The following ZMYM4 variants were observed in gnomAD, a reference collection of about 807,000 sequenced individuals.
ZMYM4 encodes the protein zinc finger MYM-type containing 4, also known as zinc finger MYM-type protein 4.
In ZMYM4, 31 loss-of-function variants were observed where a neutral mutation model predicts 183.2. That is an observed-to-expected ratio of 0.17 (90% CI 0.13 to 0.23). The LOEUF (loss-of-function observed/expected upper bound fraction) is 0.23, where lower values mean the gene tolerates loss of function less well. ZMYM4 is among the 10% of genes least tolerant of loss of function. ZMYM4 has a pLI of 1.00. For synonymous variants in ZMYM4, 592 were observed against 631.2 expected, an observed-to-expected ratio of 0.94 and a Z score of 0.93; for missense variants, 1,273 against 1,840.3, an observed-to-expected ratio of 0.69 and a Z score of 5.64.
chr1:35,381,347 A>C lies in ZMYM4; in HGVS notation c.1270A>C (p.Thr424Pro). 1 of 1,613,666 alleles carries C rather than the reference A, an allele frequency of 6.2e-7. No individual in the cohort carries two copies. The highest frequency in any genetic ancestry group is 8.5e-7 in the Non-Finnish European group (1 of 1,179,748). The change falls in exon 8 of 30, where the codon ACA (threonine) becomes CCA (proline). Residue 424 changes from threonine (T) to proline (P), a missense_variant. Transcript: ENST00000314607. ...TTTTTGCAGTCAGTCATGTTTGTCAACATATGAACTGAAAAAAAAACCTAT... is the reference window on the plus strand; with the variant it reads ...TTTTTGCAGTCAGTCATGTTTGTCACCATATGAACTGAAAAAAAAACCTAT... ...KDFCSQSCLS[T>P]YELKKKPIVT...
chr1:35,295,640 G>C (rs2148729120), intron 1 of ZMYM4, among the ~76,000 whole-genome samples: 1 of 152,280 alleles, frequency 6.6e-6, no homozygotes, highest in South Asian at 2.1e-4. Flanking sequence ...GAGCAAAATT[G>C]CTCTGGTTAA....
chr1:35,398,568 A>G, intron 21 of ZMYM4, 102 bp downstream of exon 21: 1 of 1,059,088 alleles, frequency 9.4e-7, no homozygotes. Context: ...AATTTTAACT[A>G]TTTGTAAGGG....
At chr1:35,336,241 A>C (rs1642971063) in intron 2 of ZMYM4, among the ~76,000 whole-genome samples, 1 of 152,150 alleles carries the variant, frequency 6.6e-6, no homozygotes, top group African/African-American at 2.4e-5. Context: ...ACCATGTTGA[A>C]CATTCTGATA....
At chr1:35,341,506 A>C (rs953462999) in intron 2 of ZMYM4, among the ~76,000 whole-genome samples, 2 of 151,630 alleles carry the variant, frequency 1.3e-5, no homozygotes, top group African/African-American at 4.8e-5. Flanking sequence ...CAAATGTAAA[A>C]ATTTTTATTT....
At position 35,379,500 on chromosome 1, in the gene ZMYM4, T is replaced by C. The variant is rs146598521; in HGVS notation, c.1182-1759T>C. Among the ~76,000 whole-genome samples the C allele has an allele frequency of 9.2e-5, 14 of 152,366 alleles. No individual in the cohort carries two copies. In the East Asian group the frequency reaches 2.5e-3, roughly 27 times the overall value. On this transcript the variant is annotated intron_variant, in intron 7 of 29. Coordinates refer to ENST00000314607, the MANE Select transcript of ZMYM4 (RefSeq NM_005095.3). ...ATCCGCCCGCCTCGGCCTTCCAAAGTGCTGGCATTACAGGCGTGAGCCGCC... is the reference window on the plus strand; with the variant it reads ...ATCCGCCCGCCTCGGCCTTCCAAAGCGCTGGCATTACAGGCGTGAGCCGCC...
Position 35,269,089 on chromosome 1 carries a change from G to A in ZMYM4, c.39+4G>A. ...GGAGTCCGGCCCCCGAAAGAGGGTA[G>A]GTGAGGTGAGGCAGAACTCGGGCGG... On this transcript the variant is annotated splice_donor_region_variant and intron_variant, in intron 1 of 29. Transcript: ENST00000314607. 1.3e-6 allele frequency: 2 copies of A among 1,549,170 alleles called. No individual in the cohort carries two copies. The highest frequency in any genetic ancestry group is 8.7e-7 in the Non-Finnish European group (1 of 1,146,570).
At chr1:35,339,870 A>T (rs1407790918) in intron 2 of ZMYM4, among the ~76,000 whole-genome samples, 1 of 152,194 alleles carries the variant, frequency 6.6e-6, no homozygotes, top group Non-Finnish European at 1.5e-5. Context: ...TCCTTTCTCC[A>T]GTAAGCTGCA....
intron 2 of ZMYM4, chr1:35,350,817 T>G (rs1643577489): frequency 5.8e-6 from 3 of 516,186 alleles, no homozygotes; most frequent in Non-Finnish European, 1.1e-5. Context: ...ATTACTATGC[T>G]TGGAAACGCT....
Position 35,361,781 on chromosome 1 carries a change from A to G in ZMYM4, c.832A>G (p.Asn278Asp). The G allele has an allele frequency of 6.2e-7, 1 of 1,602,814 alleles. No individual in the cohort carries two copies. Among genetic ancestry groups the G allele is most frequent in the Non-Finnish European group, 8.5e-7 (1 of 1,176,818 alleles). Reference protein sequence around the residue: ...LLDKIKDEPDNAQEYSHGQQQ... With the variant: ...LLDKIKDEPDDAQEYSHGQQQ... ...AGACAAAATAAAAGATGAACCTGAC[A>G]ATGCTCAAGTAAACATTTCACCTTT... Residue 278 changes from asparagine to aspartate, a missense_variant, in exon 5 of 30, where the codon AAT (asparagine) becomes GAT (aspartate). Physicochemically the swap from Asn to Asp is conservative, Grantham distance 23. Around this residue, in one of 6 missense-constraint regions of ZMYM4, gnomAD observed 384 missense variants for 465.6 expected, o/e 0.82. Coordinates refer to ENST00000314607, the MANE Select transcript of ZMYM4 (RefSeq NM_005095.3).
At chr1:35,362,922 A>G (rs1023309252) in intron 5 of ZMYM4, among the ~76,000 whole-genome samples, 22 of 152,178 alleles carry the variant, frequency 1.4e-4, no homozygotes, top group African/African-American at 5.3e-4. Context: ...CTGTCATCCC[A>G]GCACTTGGCA....
At position 35,348,845 on chromosome 1, in the gene ZMYM4, ACTG is replaced by A. The variant is rs1393067287; in HGVS notation, c.86-10079_86-10077del. On this transcript the variant is annotated intron_variant, in intron 2 of 29. Transcript: ENST00000314607. Reference sequence around the variant, plus strand: ...AGTGAAATGTTACTTTGAAAAGTAAACTGTTGTTTCTGTGAAAATTTGAGTGCT... The same window carrying A: ...AGTGAAATGTTACTTTGAAAAGTAAATTGTTTCTGTGAAAATTTGAGTGCT... Among the ~76,000 whole-genome samples the A allele has an allele frequency of 5.3e-5, 8 of 152,332 alleles. No individual in the cohort carries two copies. In the East Asian group the frequency reaches 1.5e-3, roughly 29 times the overall value.
At chr1:35,286,703 A>ATCC (rs1640506533) in intron 1 of ZMYM4, among the ~76,000 whole-genome samples, 1 of 147,952 alleles carries the variant, frequency 6.8e-6, no homozygotes, top group African/African-American at 2.5e-5. Flanking sequence ...GGCTCAAGCA[A>ATCC]TCCTCCCACC....
chr1:35,390,463 G>T (rs948828750), intron 15 of ZMYM4, among the ~76,000 whole-genome samples: 1 of 151,962 alleles, frequency 6.6e-6, no homozygotes, highest in Non-Finnish European at 1.5e-5. Flanking sequence ...GTCACAAAGT[G>T]CTCAGTGGGG....
At chr1:35,402,116 TAAA>T (rs35016137) in intron 23 of ZMYM4, among the ~76,000 whole-genome samples, 8 of 124,752 alleles carry the variant, frequency 6.4e-5, no homozygotes, top group African/African-American at 1.7e-4. Context: ...TCAATTTCTT[TAAA>T]AAAAAAAAAA....
At chr1:35,306,642 A>G (rs912207666) in intron 1 of ZMYM4, among the ~76,000 whole-genome samples, 27 of 152,198 alleles carry the variant, frequency 1.8e-4, no homozygotes, top group African/African-American at 6.0e-4. Flanking sequence ...TCCAGTAACC[A>G]TATGATAAAG....
chr1:35,302,378 CTTTTT>C (rs1179477732), intron 1 of ZMYM4, among the ~76,000 whole-genome samples: 2 of 86,180 alleles, frequency 2.3e-5, no homozygotes, highest in East Asian at 3.3e-4. Context: ...GCTAATTTGA[CTTTTT>C]TTTTTTTTTT....
Position 35,405,056 on chromosome 1 carries a change from A to T in ZMYM4, c.3562A>T (p.Arg1188Trp). 1 of 1,613,924 alleles carries T rather than the reference A, an allele frequency of 6.2e-7. No homozygotes were observed. Among genetic ancestry groups the T allele is most frequent in the Non-Finnish European group, 8.5e-7 (1 of 1,179,902 alleles). The change falls in exon 24 of 30, where the codon AGG (arginine) becomes TGG (tryptophan). Residue 1188 changes from arginine to tryptophan, a missense_variant. This residue lies in a region of ZMYM4 where 133 missense variants were observed against 155.7 expected (regional missense o/e 0.85). Transcript: ENST00000314607. ...RKKSIVAVEP[R>W]SLIQGAFQGC... ...GAAGTCTATAGTGGCTGTGGAGCCC[A>T]GGAGTCTTATTCAAGGAGCCTTTCA...
intron 1 of ZMYM4, among the ~76,000 whole-genome samples, chr1:35,297,655 C>T (rs1641086591): frequency 6.6e-6 from 1 of 152,168 alleles, no homozygotes. Context: ...TACTGCTTTA[C>T]TAGTTAAGTG....
intron 1 of ZMYM4, among the ~76,000 whole-genome samples, chr1:35,304,789 G>A (rs1252857318): frequency 1.3e-5 from 2 of 151,704 alleles, no homozygotes; most frequent in Non-Finnish European, 2.9e-5. Flanking sequence ...GATTTCTATC[G>A]ATGCTCTTTT....
Sources: gnomAD v4.1 joint callset for allele counts (sites outside exome capture counted in the v4.1 genomes callset) on GRCh38, gnomAD v4.1.1 for gene constraint, gnomAD v4.1.1 regional missense constraint, MANE v1.5 for transcripts, NCBI Gene and HGNC (gene_info 2026-07-23, HGNC 2026-07-21) for gene names.